Variants in C18orf54 observed in about 807,000 individuals in gnomAD.
C18orf54 encodes chromosome 18 open reading frame 54, also known as lung adenoma susceptibility protein 2.
In C18orf54, 49 loss-of-function variants were observed where a neutral mutation model predicts 49.3. The observed-to-expected ratio is 0.99, with a 90% CI of 0.79 to 1.26. The LOEUF is 1.26. C18orf54 is among the 50% of genes most tolerant of loss of function. The pLI, the probability that C18orf54 is intolerant of heterozygous loss-of-function variation, is 0.00. For synonymous variants in C18orf54, 211 were observed against 216.6 expected (o/e 0.97, Z 0.23); for missense variants, 687 against 620.6 (o/e 1.11, Z -1.14).
At chr18:54,364,126 T>A in intron 5 of C18orf54, 1 of 98,532 alleles carries the variant, frequency 1.0e-5, no homozygotes, top group South Asian at 3.5e-4. Flanking sequence ...TTCATATATA[T>A]ATGTTGAGAT....
rs550400243 is a variant in C18orf54, at chr18:54,372,762, G to A, written c.1458+165G>A. Among the ~76,000 whole-genome samples the A allele has an allele frequency of 3.3e-5, 5 of 151,886 alleles. No homozygotes were observed. The East Asian group carries it at 7.7e-4, about 23-fold the overall frequency. ...TTTTGTTAGGAAGTAATGTACTCAC[G>A]TTTAATTCTGTTTGATTTCTGTAGG... On this transcript the variant is annotated intron_variant, in intron 7 of 8. Transcript: ENST00000620105.
At position 54,378,272 on chromosome 18, in the gene C18orf54, A is replaced by G. The variant is rs1455778208; in HGVS notation, c.*26A>G. On this transcript the variant is annotated 3_prime_UTR_variant, in exon 9 of 9. Transcript: ENST00000620105. ...AGAGGAAAATGAAACTGTCACCACA[A>G]TGAATAGTCACCACAGAACAAATAG... is the stretch of plus-strand genomic sequence containing the variant. The G allele has an allele frequency of 6.3e-7, 1 of 1,583,374 alleles. No individual in the cohort carries two copies. Among genetic ancestry groups the G allele is most frequent in the African/African-American group, 1.3e-5 (1 of 74,168 alleles).
chr18:54,362,340 A>G lies in C18orf54; in HGVS notation c.981A>G (p.Glu327=). The part of the protein sequence containing the change: ...NFSNSLSDDK[E]LVNEYKCDFE... ...CAAATTCCTTGAGTGATGATAAAGA[A>G]TTAGTTAATGAATACAAATGTGATT... Residue 327 remains glutamate (E), a synonymous_variant, in exon 4 of 9, where the codon GAA becomes GAG. Transcript: ENST00000620105. The G allele has an allele frequency of 6.5e-7, 1 of 1,536,060 alleles. No individual in the cohort carries two copies. The highest frequency in any genetic ancestry group is 8.7e-7 in the Non-Finnish European group (1 of 1,146,810).
At chr18:54,361,526 C>T in intron 3 of C18orf54, 117 bp from the exon 4 acceptor site, 1 of 853,382 alleles carries the variant, frequency 1.2e-6, no homozygotes, top group Non-Finnish European at 1.8e-6. Context: ...TTAATCAAAG[C>T]TTTAGTGAGG....
intron 3 of C18orf54, 59 bp from the exon 4 acceptor site, chr18:54,361,584 A>T: frequency 7.3e-7 from 1 of 1,367,196 alleles, no homozygotes; most frequent in Non-Finnish European, 9.8e-7. Flanking sequence ...ATTCTCATTT[A>T]CTGTTGGATA....
At position 54,372,604 on chromosome 18, in the gene C18orf54, A is replaced by T. The variant is rs1224356919; in HGVS notation, c.1458+7A>T. 9 of 1,572,558 alleles carry T rather than the reference A, an allele frequency of 5.7e-6. No homozygotes were observed. The highest frequency in any genetic ancestry group is 7.8e-6 in the Non-Finnish European group (9 of 1,159,330). The stretch of plus-strand genomic sequence containing the variant: ...AAAAGAAGAGATTAAACAAGTAAGC[A>T]CAAACATGATTTATGAATTGAGATT... On this transcript the variant is annotated splice_region_variant and intron_variant, in intron 7 of 8. Coordinates refer to ENST00000620105, the MANE Select transcript of C18orf54 (RefSeq NM_001288980.2).
chr18:54,363,557 C>T (rs1483573873), intron 5 of C18orf54, among the ~76,000 whole-genome samples: 1 of 152,068 alleles, frequency 6.6e-6, no homozygotes, highest in Non-Finnish European at 1.5e-5. Context: ...ACCTCGTGAT[C>T]CGCCCGCCTC....
chr18:54,371,524 A>C (rs548775334), intron 6 of C18orf54, among the ~76,000 whole-genome samples: 19 of 152,264 alleles, frequency 1.2e-4, no homozygotes, highest in African/African-American at 4.6e-4. Context: ...AAATTGCAGG[A>C]TCATTCAGTA....
chr18:54,362,700 C>A, intron 4 of C18orf54, 71 bp from the exon 5 acceptor site: 1 of 1,340,124 alleles, frequency 7.5e-7, no homozygotes, highest in Non-Finnish European at 1.0e-6. Context: ...CTCTTGTTGA[C>A]TTTGTGAGAT....
Position 54,361,727 on chromosome 18 carries a change from T to C in C18orf54, c.368T>C (p.Leu123Pro). The change falls in exon 4 of 9, where the codon CTA (leucine) becomes CCA (proline). Residue 123 changes from leucine to proline, a missense_variant. Coordinates refer to ENST00000620105, the MANE Select transcript of C18orf54 (RefSeq NM_001288980.2). ...GTTAATGACATAGACTCCATGAGCC[T>C]AACAACTGATGATCTATTAAGACTC... ...HTVNDIDSMS[L>P]TTDDLLRLPA... The C allele has an allele frequency of 1.9e-6, 3 of 1,614,012 alleles. No homozygotes were observed. The highest frequency in any genetic ancestry group is 2.5e-6 in the Non-Finnish European group (3 of 1,179,902).
intron 8 of C18orf54, among the ~76,000 whole-genome samples, chr18:54,377,024 T>A (rs1174128516): frequency 2.6e-5 from 4 of 151,706 alleles, no homozygotes; most frequent in South Asian, 2.1e-4. Context: ...TGTTTTTTTT[T>A]TAAATTTAAT....
chr18:54,362,686 A>G (rs6508290), intron 4 of C18orf54, 85 bp from the exon 5 acceptor site: 852,874 of 1,216,944 alleles, frequency 0.7, 300,944 homozygotes, highest in African/African-American at 0.86. Context: ...CCAAATGATC[A>G]GAACTCTTGT....
chr18:54,362,068 T>A lies in C18orf54; in HGVS notation c.709T>A (p.Tyr237Asn). 1 of 1,550,072 alleles carries A rather than the reference T, an allele frequency of 6.5e-7. No homozygotes were observed. The highest frequency in any genetic ancestry group is 8.7e-7 in the Non-Finnish European group (1 of 1,150,216). Reference sequence around the variant, plus strand: ...TTCAGAACACAGTCTTGAAAAGAATTACCCAAGATGGCTCACTAGCCAGAA... The same window carrying A: ...TTCAGAACACAGTCTTGAAAAGAATAACCCAAGATGGCTCACTAGCCAGAA... ...DSSEHSLEKN[Y>N]PRWLTSQKSD... Residue 237 changes from tyrosine (Y) to asparagine (N), a missense_variant, in exon 4 of 9, where the codon TAC becomes AAC. Tyr to Asn is a moderately radical substitution (Grantham distance 143). Transcript: ENST00000620105.
At chr18:54,374,581 A>G (rs1028222312) in intron 8 of C18orf54, among the ~76,000 whole-genome samples, 3 of 151,970 alleles carry the variant, frequency 2.0e-5, no homozygotes, top group Middle Eastern at 3.4e-3. Context: ...TGAGTATCCT[A>G]TAACAGTAAC....
At chr18:54,370,020 A>T (rs1373085688) in intron 6 of C18orf54, among the ~76,000 whole-genome samples, 1 of 152,118 alleles carries the variant, frequency 6.6e-6, no homozygotes, top group Non-Finnish European at 1.5e-5. Flanking sequence ...ATAATAAAAC[A>T]TAATTTAACA....
At chr18:54,363,327 C>T (rs917415905) in intron 5 of C18orf54, among the ~76,000 whole-genome samples, 22 of 151,422 alleles carry the variant, frequency 1.5e-4, no homozygotes, top group African/African-American at 4.3e-4. Flanking sequence ...CTTTTCTTTT[C>T]TTTTTTTTGA....
At chr18:54,359,895 G>A (rs1047294355) in intron 2 of C18orf54, among the ~76,000 whole-genome samples, 2 of 152,156 alleles carry the variant, frequency 1.3e-5, no homozygotes, top group African/African-American at 4.8e-5. Flanking sequence ...TTGAAAATAG[G>A]GAGGGTGGTA....
At chr18:54,371,516 A>G (rs1464001644) in intron 6 of C18orf54, among the ~76,000 whole-genome samples, 1 of 152,148 alleles carries the variant, frequency 6.6e-6, no homozygotes, top group Admixed American at 6.5e-5. Flanking sequence ...TAAGAGGGAA[A>G]TTGCAGGATC....
At position 54,362,849 on chromosome 18, in the gene C18orf54, A is replaced by C; in HGVS notation, c.1151A>C (p.Lys384Thr). ...ACTGAAGAATTACCAAAGTCCATGA[A>C]AAAGGATGACAGTCCTTGCTCATTA... is the stretch of plus-strand genomic sequence containing the variant. ...QCTEELPKSM[K>T]KDDSPCSLDK... Residue 384 changes from lysine (K) to threonine (T), a missense_variant, in exon 5 of 9, where the codon AAA (lysine) becomes ACA (threonine). Lys to Thr is a moderately conservative substitution (Grantham distance 78). Coordinates refer to ENST00000620105, the MANE Select transcript of C18orf54 (RefSeq NM_001288980.2). The C allele has an allele frequency of 6.2e-7, 1 of 1,612,780 alleles. No individual in the cohort carries two copies. Among genetic ancestry groups the C allele is most frequent in the African/African-American group, 1.3e-5 (1 of 75,036 alleles).
Sources: allele counts gnomAD v4.1 joint callset (sites outside exome capture counted in the v4.1 genomes callset), GRCh38; gene constraint gnomAD v4.1.1; transcripts MANE v1.5; gene names NCBI Gene and HGNC (gene_info 2026-07-23, HGNC 2026-07-21).